ABCC4: variants seen among roughly 807,000 people sequenced by gnomAD.
ABCC4 encodes the protein ATP binding cassette subfamily C member 4 (PEL blood group).
ABCC4 carries 102 observed loss-of-function variants against 168.5 expected under a neutral mutation model. The observed-to-expected ratio is 0.61, with a 90% CI of 0.52 to 0.71. ABCC4 has a LOEUF of 0.71. ABCC4 is among the 30% of genes least tolerant of loss of function. ABCC4 has a pLI of 0.00. For missense variants in ABCC4, 1,402 were observed against 1,605.8 expected, an observed-to-expected ratio of 0.87 and a Z score of 2.17; for synonymous variants, 617 against 590.7, an observed-to-expected ratio of 1.04 and a Z score of -0.65.
intron 13 of ABCC4, among the ~76,000 whole-genome samples, chr13:95,173,866 G>A (rs542644161): frequency 1.5e-3 from 222 of 152,304 alleles, no homozygotes; most frequent in African/African-American, 5.1e-3. Context: ...GGAAGCTGCC[G>A]TACCCCTTCC....
At chr13:95,227,755 C>CT (rs1390617330) in intron 4 of ABCC4, among the ~76,000 whole-genome samples, 1 of 152,180 alleles carries the variant, frequency 6.6e-6, no homozygotes, top group Non-Finnish European at 1.5e-5. Flanking sequence ...GTCACCCACG[C>CT]TGGAGTGCGG....
chr13:95,218,992 AAAG>A (rs754881070), intron 4 of ABCC4, among the ~76,000 whole-genome samples: 4,295 of 105,590 alleles, frequency 0.041, 331 homozygotes, highest in Non-Finnish European at 0.051. Flanking sequence ...AAAGAGTGAG[AAAG>A]AAAGAAAGAG....
chr13:95,137,936 A>C (rs1452877913), intron 19 of ABCC4, among the ~76,000 whole-genome samples: 4 of 152,190 alleles, frequency 2.6e-5, no homozygotes, highest in African/African-American at 9.7e-5. Flanking sequence ...ACATACAGAC[A>C]TCTGGAACCC....
chr13:95,165,463 A>C (rs2139557880), intron 15 of ABCC4, among the ~76,000 whole-genome samples: 1 of 152,312 alleles, frequency 6.6e-6, no homozygotes, highest in Middle Eastern at 3.4e-3. Context: ...TATGCTTTTA[A>C]GTGAGCTCTG....
intron 26 of ABCC4, among the ~76,000 whole-genome samples, chr13:95,059,961 T>C (rs900442916): frequency 1.2e-4 from 19 of 152,204 alleles, no homozygotes; most frequent in Admixed American, 4.6e-4. Flanking sequence ...AGTGACTTCA[T>C]TGAGGTCACA....
At chr13:95,091,040 T>G (rs115631400) in intron 20 of ABCC4, among the ~76,000 whole-genome samples, 4 of 152,142 alleles carry the variant, frequency 2.6e-5, no homozygotes, top group Non-Finnish European at 4.4e-5. Flanking sequence ...AAACAAGTAG[T>G]AGAAGAAAGA....
intron 14 of ABCC4, among the ~76,000 whole-genome samples, chr13:95,168,300 C>T (rs1394839802): frequency 1.3e-5 from 2 of 152,158 alleles, no homozygotes; most frequent in African/African-American, 4.8e-5. Flanking sequence ...GTTTGAGGAA[C>T]CCAGGCTCCC....
chr13:95,167,836 C>T (rs1028293057), intron 14 of ABCC4, among the ~76,000 whole-genome samples: 7 of 152,156 alleles, frequency 4.6e-5, no homozygotes, highest in African/African-American at 1.7e-4. Context: ...CAAGAATGGA[C>T]ACACATTCAT....
intron 1 of ABCC4, among the ~76,000 whole-genome samples, chr13:95,271,415 G>A (rs909457951): frequency 7.3e-4 from 111 of 152,238 alleles, no homozygotes; most frequent in African/African-American, 2.6e-3. Flanking sequence ...GTCACACGCT[G>A]GCCTTTGGTT....
chr13:95,137,659 G>A (rs1240477727), intron 19 of ABCC4, among the ~76,000 whole-genome samples: 1 of 152,154 alleles, frequency 6.6e-6, no homozygotes, highest in African/African-American at 2.4e-5. Flanking sequence ...TCCCTCATTC[G>A]AAAGATGGGG....
chr13:95,139,634 T>A (rs1285574939), intron 19 of ABCC4, among the ~76,000 whole-genome samples: 1 of 152,240 alleles, frequency 6.6e-6, no homozygotes, highest in African/African-American at 2.4e-5. Flanking sequence ...CTACGGACAT[T>A]GTTTAAATGC....
chr13:95,168,470 CAA>C (rs1257977783), intron 14 of ABCC4, among the ~76,000 whole-genome samples: 1 of 152,188 alleles, frequency 6.6e-6, no homozygotes, highest in Admixed American at 6.5e-5. Context: ...GGCTTACACA[CAA>C]GACTTGCAAG....
chr13:95,093,747 C>T (rs944115294), intron 20 of ABCC4, among the ~76,000 whole-genome samples: 1 of 151,912 alleles, frequency 6.6e-6, no homozygotes, highest in Admixed American at 6.6e-5. Context: ...AAGAGGAAGT[C>T]AAACTGTCGT....
chr13:95,214,884 CA>C (rs60962674), intron 4 of ABCC4, among the ~76,000 whole-genome samples: 50,913 of 88,460 alleles, frequency 0.58, 11,411 homozygotes, highest in Middle Eastern at 0.65. Flanking sequence ...GACTCCAATT[CA>C]AAAAAAAAAA....
intron 25 of ABCC4, among the ~76,000 whole-genome samples, chr13:95,064,820 T>C (rs1444543938): frequency 5.3e-5 from 8 of 152,132 alleles, no homozygotes; most frequent in Non-Finnish European, 1.2e-4. Context: ...TTAGTTCTCT[T>C]CAAAGTCATC....
intron 25 of ABCC4, among the ~76,000 whole-genome samples, chr13:95,064,311 C>CACACACA: frequency 7.2e-6 from 1 of 138,572 alleles, no homozygotes; most frequent in Non-Finnish European, 1.5e-5. Flanking sequence ...CACACACACA[C>CACACACA]CAATTGAATT....
chr13:95,132,641 C>G (rs952519131), intron 19 of ABCC4, among the ~76,000 whole-genome samples: 79 of 151,694 alleles, frequency 5.2e-4, no homozygotes, highest in African/African-American at 1.8e-3. Context: ...ATTGTTTTTC[C>G]AAATATTTTC....
intron 19 of ABCC4, among the ~76,000 whole-genome samples, chr13:95,134,050 C>T (rs916403510): frequency 5.9e-5 from 9 of 152,068 alleles, no homozygotes; most frequent in Non-Finnish European, 1.0e-4. Context: ...GCCTTCCATG[C>T]GCTACAATTT....
rs751913025 is a variant in ABCC4 at position 95,083,233 on chromosome 13, C to A, written c.2593G>T (p.Ala865Ser). ...SVAVAVIPWI[A>S]IPLVPLGIIF... ...ATTCCAAGGGGAACCAAGGGTATTGCGATCCAAGGAATCACGGCCACAGCC... is the reference window on the plus strand; with the variant it reads ...ATTCCAAGGGGAACCAAGGGTATTGAGATCCAAGGAATCACGGCCACAGCC... The change falls in exon 21 of 31, where the codon GCA (alanine) becomes TCA (serine). Residue 865 changes from alanine (A) to serine (S), a missense_variant. By Grantham distance (99) the Ala-to-Ser change is moderately conservative. This residue lies in a region of ABCC4 where 1,007 missense variants were observed against 1,127.3 expected (regional missense o/e 0.89). Coordinates refer to ENST00000645237, the MANE Select transcript of ABCC4 (RefSeq NM_005845.5). 2.5e-6 allele frequency: 4 copies of A among 1,613,954 alleles called. No individual in the cohort carries two copies. The highest frequency in any genetic ancestry group is 1.1e-5 in the South Asian group (1 of 91,060).
Sources: allele counts gnomAD v4.1 joint callset (sites outside exome capture counted in the v4.1 genomes callset), GRCh38; gene constraint gnomAD v4.1.1; regional missense constraint gnomAD v4.1.1; transcripts MANE v1.5; gene names NCBI Gene and HGNC (gene_info 2026-07-23, HGNC 2026-07-21).